The following TMCO5A variants were observed in gnomAD, a reference collection of about 807,000 sequenced individuals.
TMCO5A encodes the protein transmembrane and coiled-coil domain-containing protein 5A.
Under a neutral mutation model 42.3 loss-of-function variants are expected in TMCO5A, and 34 were observed. The observed-to-expected ratio is 0.80, with a 90% CI of 0.61 to 1.07. The LOEUF (loss-of-function observed/expected upper bound fraction) is 1.07. TMCO5A is among the 50% of genes least tolerant of loss of function. The pLI, the probability that TMCO5A is intolerant of heterozygous loss-of-function variation, is 0.00. For synonymous variants in TMCO5A, 131 were observed against 115.6 expected (o/e 1.13, Z -0.86); for missense variants, 357 against 327.9 (o/e 1.09, Z -0.69).
the TMCO5A span, among the ~76,000 whole-genome samples, chr15:37,981,200 C>CAAAAAAAAAAAAA: frequency 7.3e-4 from 48 of 65,320 alleles, no homozygotes; most frequent in African/African-American, 2.6e-3. Context: ...AGAAAGCCAG[C>CAAAAAAAAAAAAA]AAAAAAAAAA....
chr15:38,021,986 A>T, the TMCO5A span, among the ~76,000 whole-genome samples: 1 of 151,682 alleles, frequency 6.6e-6, no homozygotes, highest in African/African-American at 2.4e-5. Flanking sequence ...ATTTTTTTGT[A>T]TTTTTAGTAG....
chr15:38,013,916 T>C, the TMCO5A span, among the ~76,000 whole-genome samples: 1 of 152,164 alleles, frequency 6.6e-6, no homozygotes, highest in Non-Finnish European at 1.5e-5. Context: ...AGAATCTGTT[T>C]CTATTTTTAG....
chr15:37,946,356 G>A (rs1456554064), intron 10 of TMCO5A, among the ~76,000 whole-genome samples: 1 of 151,974 alleles, frequency 6.6e-6, no homozygotes, highest in African/African-American at 2.4e-5. Context: ...GCTCTTTTTG[G>A]TTCCACATGA....
chr15:37,990,727 G>T, the TMCO5A span, among the ~76,000 whole-genome samples: 1 of 151,038 alleles, frequency 6.6e-6, no homozygotes, highest in Non-Finnish European at 1.5e-5. Context: ...GTCTTCTTTT[G>T]TGTTTAGTTG....
chr15:37,948,574 C>G (rs966175525), intron 11 of TMCO5A, among the ~76,000 whole-genome samples: 3 of 152,024 alleles, frequency 2.0e-5, no homozygotes, highest in Non-Finnish European at 4.4e-5. Context: ...CTCTTATACT[C>G]CAACACAAGG....
chr15:37,957,111 A>C (rs1890310074), intron 11 of TMCO5A, among the ~76,000 whole-genome samples: 1 of 152,210 alleles, frequency 6.6e-6, no homozygotes, highest in African/African-American at 2.4e-5. Context: ...AGAGCTATTT[A>C]TGACAAACCC....
chr15:38,030,329 G>C, the TMCO5A span, among the ~76,000 whole-genome samples: 2 of 152,096 alleles, frequency 1.3e-5, no homozygotes, highest in African/African-American at 4.8e-5. Context: ...CATGATCCTA[G>C]GCATTACCCT....
intron 11 of TMCO5A, among the ~76,000 whole-genome samples, chr15:37,964,472 T>C (rs1890509755): frequency 6.6e-6 from 1 of 152,042 alleles, no homozygotes; most frequent in African/African-American, 2.4e-5. Context: ...CTGTTTTTTT[T>C]TCTTGAAGTT....
chr15:38,010,648 T>C, the TMCO5A span, among the ~76,000 whole-genome samples: 1 of 152,104 alleles, frequency 6.6e-6, no homozygotes, highest in Non-Finnish European at 1.5e-5. Context: ...TCCATAACCA[T>C]GAAAAAATAA....
chr15:38,026,057 G>A, the TMCO5A span, among the ~76,000 whole-genome samples: 2 of 152,180 alleles, frequency 1.3e-5, no homozygotes, highest in Non-Finnish European at 2.9e-5. Context: ...TCAGCAGCAT[G>A]AAAATGGACT....
chr15:37,990,643 A>G, the TMCO5A span, among the ~76,000 whole-genome samples: 1 of 151,938 alleles, frequency 6.6e-6, no homozygotes. Flanking sequence ...GATAACGATA[A>G]ACTGATTTTG....
At chr15:37,941,617 T>G (rs1423396641) in intron 7 of TMCO5A, 54 bp from the exon 8 acceptor site, 13 of 1,296,746 alleles carry the variant, frequency 1.0e-5, no homozygotes, top group African/African-American at 1.5e-5. Flanking sequence ...AGTATGCTTG[T>G]GTTCTTATAG....
the TMCO5A span, among the ~76,000 whole-genome samples, chr15:38,028,546 C>T: frequency 2.4e-4 from 36 of 152,292 alleles, no homozygotes; most frequent in Admixed American, 5.2e-4. Flanking sequence ...TGTGCCAACT[C>T]GCTTTTTTGC....
At chr15:37,955,034 G>A (rs1890251363), downstream of TMCO5A, among the ~76,000 whole-genome samples, 2 of 151,668 alleles carry the variant, frequency 1.3e-5, no homozygotes. Context: ...AAAGAAAGAA[G>A]GAAGAGAAGA....
At chr15:38,032,639 C>T in the TMCO5A span, among the ~76,000 whole-genome samples, 1 of 152,128 alleles carries the variant, frequency 6.6e-6, no homozygotes, top group African/African-American at 2.4e-5. Context: ...CCATGAGTGT[C>T]CCAGTGGGTA....
the TMCO5A span, among the ~76,000 whole-genome samples, chr15:38,014,638 T>C: frequency 6.6e-6 from 1 of 151,992 alleles, no homozygotes; most frequent in Non-Finnish European, 1.5e-5. Context: ...TGTGCACACA[T>C]GTTCTACCCC....
chr15:38,018,349 T>C, the TMCO5A span, among the ~76,000 whole-genome samples: 1 of 152,168 alleles, frequency 6.6e-6, no homozygotes. Context: ...ATTTTTAAAA[T>C]TATTGTCCTC....
exon 12 of TMCO5A, chr15:37,966,876 T>C: frequency 1.7e-6 from 1 of 575,766 alleles, no homozygotes; most frequent in Non-Finnish European, 3.1e-6. Flanking sequence ...TTAAGAGCAG[T>C]CAAAGAAGAA....
chr15:37,966,952 C>T (rs1890573423), exon 12 of TMCO5A: 1 of 391,346 alleles, frequency 2.6e-6, no homozygotes, highest in Non-Finnish European at 4.6e-6. Flanking sequence ...GGGCTCAGTG[C>T]CTATGGAAGA....
Sources: gnomAD v4.1 joint callset for allele counts (sites outside exome capture counted in the v4.1 genomes callset) on GRCh38, gnomAD v4.1.1 for gene constraint, MANE v1.5 for transcripts, NCBI Gene and HGNC (gene_info 2026-07-23, HGNC 2026-07-21) for gene names.